LRRC4C: variants seen among roughly 807,000 people sequenced by gnomAD.
The protein encoded by LRRC4C is leucine-rich repeat-containing protein 4C.
LRRC4C carries 5 observed loss-of-function variants against 33.6 expected under a neutral mutation model. The observed-to-expected ratio is 0.15, with a 90% CI of 0.08 to 0.31. LRRC4C has a LOEUF of 0.31. Among genes scored for constraint, LRRC4C ranks in the 10% least tolerant of loss-of-function variants. The pLI, the probability that LRRC4C is intolerant of heterozygous loss-of-function variation, is 1.00. For synonymous variants in LRRC4C, 329 were observed against 302.0 expected, an observed-to-expected ratio of 1.09 and a Z score of -0.93; for missense variants, 560 against 796.7, an observed-to-expected ratio of 0.70 and a Z score of 3.58.
chr11:40,372,849 C>T (rs7929915), intron 3 of LRRC4C, among the ~76,000 whole-genome samples: 11,327 of 152,142 alleles, frequency 0.074, 1,359 homozygotes, highest in African/African-American at 0.25. Context: ...GGCCCTGATA[C>T]GACTGGTTAG....
At chr11:41,195,218 C>T (rs1229051722) in intron 1 of LRRC4C, among the ~76,000 whole-genome samples, 2 of 152,054 alleles carry the variant, frequency 1.3e-5, no homozygotes, top group East Asian at 3.9e-4. Flanking sequence ...TGTGTGCATG[C>T]CCTTTGTAAA....
At chr11:40,954,103 C>T (rs1958840251) in intron 1 of LRRC4C, among the ~76,000 whole-genome samples, 1 of 151,866 alleles carries the variant, frequency 6.6e-6, no homozygotes. Flanking sequence ...CTCATCAAGG[C>T]ATCTACTGCA....
chr11:40,326,959 G>A (rs1946133600), intron 3 of LRRC4C, among the ~76,000 whole-genome samples: 2 of 152,214 alleles, frequency 1.3e-5, no homozygotes, highest in Non-Finnish European at 2.9e-5. Flanking sequence ...TGTAGAAATG[G>A]ACACAGAAAT....
intron 5 of LRRC4C, among the ~76,000 whole-genome samples, chr11:40,195,257 A>C (rs1007894676): frequency 2.0e-5 from 3 of 152,208 alleles, no homozygotes; most frequent in Non-Finnish European, 4.4e-5. Context: ...AGAAAAGACT[A>C]GAGGAAAAAA....
Position 40,114,685 on chromosome 11 carries a change from G to A in LRRC4C, c.1608C>T (p.Ile536=). The A allele has an allele frequency of 6.2e-7, 1 of 1,614,172 alleles. No homozygotes were observed. Among genetic ancestry groups the A allele is most frequent in the Non-Finnish European group, 8.5e-7 (1 of 1,180,034 alleles). Residue 536 remains isoleucine (I), a synonymous_variant, in exon 7 of 7, where the codon ATC becomes ATT. Coordinates refer to ENST00000528697, the MANE Select transcript of LRRC4C (RefSeq NM_001258419.2). ...TKIIIGCFVA[I]TLMAAVMLVI... Reference sequence around the variant, plus strand: ...CCAGCATCACTGCAGCCATGAGTGTGATGGCCACAAAACACCCAATGATGA... The same window carrying A: ...CCAGCATCACTGCAGCCATGAGTGTAATGGCCACAAAACACCCAATGATGA...
intron 2 of LRRC4C, among the ~76,000 whole-genome samples, chr11:40,685,201 C>T (rs1040823266): frequency 1.3e-5 from 2 of 152,038 alleles, no homozygotes; most frequent in Admixed American, 1.3e-4. Context: ...ATGCAACTGG[C>T]ACCTCTTCTT....
At chr11:41,197,424 A>G (rs1335350031) in intron 1 of LRRC4C, among the ~76,000 whole-genome samples, 1 of 152,014 alleles carries the variant, frequency 6.6e-6, no homozygotes, top group African/African-American at 2.4e-5. Flanking sequence ...TTGGGAAATA[A>G]CAAGAAAGGA....
At position 41,163,615 on chromosome 11, in the gene LRRC4C, G is replaced by GCT. The variant is rs554520835; in HGVS notation, c.-495-229893_-495-229892insAG. 3.5e-5 allele frequency among the ~76,000 whole-genome samples: 5 copies of GCT among 143,224 alleles called. No homozygotes were observed. The East Asian group carries it at 1.1e-3, about 30-fold the overall frequency. The allele number at this position is 143,224 out of a possible 152,430, so 94.0% of individuals were successfully genotyped here. A position where few individuals can be genotyped will look rare whatever the true frequency, so the allele number is the denominator to read the frequency against. On this transcript the variant is annotated intron_variant, in intron 1 of 6. Transcript: ENST00000528697. ...CTGTAACATTTTTACTTTAAAAACT[G>GCT]TTTTTTTTTTGTTTGAAACAGAGTC... is the stretch of plus-strand genomic sequence containing the variant.
intron 2 of LRRC4C, among the ~76,000 whole-genome samples, chr11:40,653,196 T>C (rs181705373): frequency 9.9e-5 from 15 of 152,272 alleles, no homozygotes; most frequent in South Asian, 6.2e-4. Flanking sequence ...TAAAGATACC[T>C]GAAAATATGG....
At chr11:40,210,647 T>G (rs774863975) in intron 5 of LRRC4C, among the ~76,000 whole-genome samples, 63 of 152,212 alleles carry the variant, frequency 4.1e-4, no homozygotes, top group Non-Finnish European at 6.9e-4. Flanking sequence ...GGACTCCAGC[T>G]TCTTTGCCCT....
intron 5 of LRRC4C, among the ~76,000 whole-genome samples, chr11:40,150,430 A>C (rs1408430298): frequency 6.6e-6 from 1 of 152,236 alleles, no homozygotes; most frequent in Non-Finnish European, 1.5e-5. Context: ...AGAATTTTAC[A>C]TTAGAAAATA....
intron 1 of LRRC4C, among the ~76,000 whole-genome samples, chr11:41,057,556 G>A (rs1033017391): frequency 6.6e-6 from 1 of 152,218 alleles, no homozygotes; most frequent in Non-Finnish European, 1.5e-5. Flanking sequence ...AACTTGAGGT[G>A]CCTTTTCTGG....
At chr11:41,141,966 A>C (rs921446329) in intron 1 of LRRC4C, among the ~76,000 whole-genome samples, 1 of 152,128 alleles carries the variant, frequency 6.6e-6, no homozygotes, top group African/African-American at 2.4e-5. Flanking sequence ...TCATCCCATA[A>C]AATGATACAG....
chr11:41,148,432 T>G (rs997902135), intron 1 of LRRC4C, among the ~76,000 whole-genome samples: 5 of 152,150 alleles, frequency 3.3e-5, no homozygotes, highest in African/African-American at 1.2e-4. Flanking sequence ...TGCTCAAGAT[T>G]ATTTGTCATT....
chr11:40,316,239 T>C (rs141506775), intron 4 of LRRC4C, among the ~76,000 whole-genome samples: 61 of 152,148 alleles, frequency 4.0e-4, no homozygotes, highest in Middle Eastern at 3.4e-3. Context: ...ATCCAATTTA[T>C]AGATATGTTT....
At chr11:40,381,317 C>G (rs1206553139) in intron 3 of LRRC4C, among the ~76,000 whole-genome samples, 1 of 151,830 alleles carries the variant, frequency 6.6e-6, no homozygotes, top group Admixed American at 6.6e-5. Flanking sequence ...CAAATACAAC[C>G]CATTATATTG....
chr11:40,615,253 T>TATATATATATATATATATATATAA (rs914584100), intron 3 of LRRC4C, among the ~76,000 whole-genome samples: 2 of 93,116 alleles, frequency 2.1e-5, no homozygotes, highest in African/African-American at 6.6e-5. Flanking sequence ...TATATATATA[T>TATATATATATATATATATATATAA]ATATATATAT....
At chr11:40,264,734 G>A (rs867091047) in intron 4 of LRRC4C, among the ~76,000 whole-genome samples, 2 of 152,304 alleles carry the variant, frequency 1.3e-5, no homozygotes, top group Middle Eastern at 3.4e-3. Context: ...GATAAATTGT[G>A]CTTGATATTT....
chr11:40,556,845 T>C (rs148580562), intron 3 of LRRC4C, among the ~76,000 whole-genome samples: 3 of 152,304 alleles, frequency 2.0e-5, no homozygotes, highest in Non-Finnish European at 4.4e-5. Flanking sequence ...TGTTTCAGCT[T>C]AGAGAAAACT....
Sources: allele counts gnomAD v4.1 joint callset (sites outside exome capture counted in the v4.1 genomes callset), GRCh38; gene constraint gnomAD v4.1.1; transcripts MANE v1.5; gene names NCBI Gene and HGNC (gene_info 2026-07-23, HGNC 2026-07-21).